Variants in INPP4B observed in about 807,000 individuals in gnomAD.
INPP4B encodes inositol polyphosphate 4-phosphatase type II.
A neutral mutation model predicts 122.5 loss-of-function variants in INPP4B; 55 were observed. That is an observed-to-expected ratio of 0.45 (90% CI 0.36 to 0.56). The LOEUF is 0.56. Ranked by LOEUF, INPP4B falls within the 20% of genes least tolerant of loss-of-function variation. The pLI, the probability that INPP4B is intolerant of heterozygous loss-of-function variation, is 0.00. For synonymous variants in INPP4B, 403 were observed against 388.7 expected, an observed-to-expected ratio of 1.04 and a Z score of -0.43; for missense variants, 1,000 against 1,097.7, an observed-to-expected ratio of 0.91 and a Z score of 1.26.
chr4:142,767,591 C>T (rs1206110788), intron 1 of INPP4B: 1 of 152,100 alleles, frequency 6.6e-6, no homozygotes, highest in Non-Finnish European at 1.5e-5. Context: ...TAGTACTTAT[C>T]TTCATTTGGG....
intron 7 of INPP4B, among the ~76,000 whole-genome samples, chr4:142,384,335 G>A: frequency 6.6e-6 from 1 of 152,138 alleles, no homozygotes; most frequent in East Asian, 1.9e-4. Flanking sequence ...GCGTCATTAG[G>A]AGATTTTGTC....
intron 1 of INPP4B, among the ~76,000 whole-genome samples, chr4:142,804,602 A>T (rs1458794504): frequency 6.6e-6 from 1 of 152,120 alleles, no homozygotes; most frequent in African/African-American, 2.4e-5. Context: ...GCTTTATTCT[A>T]TAGCACTTTC....
rs143404928 is a variant in INPP4B at position 142,777,266 on chromosome 4, G to A, written c.-253-51365C>T. On this transcript the variant is annotated intron_variant, in intron 1 of 25. Transcript: ENST00000262992. ...CAGAATATGGCAAAGGTGATAGGGCGTAACTCTTGTAATTACATTACAGAA... is the reference window on the plus strand; with the variant it reads ...CAGAATATGGCAAAGGTGATAGGGCATAACTCTTGTAATTACATTACAGAA... Among the ~76,000 whole-genome samples, 66 of 152,248 alleles carry A rather than the reference G, an allele frequency of 4.3e-4. 2 individuals are homozygous for A. The East Asian group carries it at 0.012, about 29-fold the overall frequency.
At chr4:142,530,582 C>T (rs942850202) in intron 2 of INPP4B, among the ~76,000 whole-genome samples, 7 of 148,062 alleles carry the variant, frequency 4.7e-5, no homozygotes, top group Admixed American at 1.3e-4. Flanking sequence ...TATATATACA[C>T]ACACACACAG....
At chr4:142,416,291 C>A (rs956375076) in intron 5 of INPP4B, among the ~76,000 whole-genome samples, 1 of 152,058 alleles carries the variant, frequency 6.6e-6, no homozygotes, top group African/African-American at 2.4e-5. Context: ...GACAGGGAGG[C>A]AGCTGTTCAA....
intron 9 of INPP4B, among the ~76,000 whole-genome samples, chr4:142,271,717 C>G (rs1745948710): frequency 1.3e-5 from 2 of 152,092 alleles, no homozygotes; most frequent in African/African-American, 4.8e-5. Flanking sequence ...AAGACCCTTC[C>G]AAGGTAACGA....
chr4:142,753,541 C>T (rs913279832), intron 1 of INPP4B, among the ~76,000 whole-genome samples: 3 of 151,908 alleles, frequency 2.0e-5, no homozygotes, highest in Non-Finnish European at 4.4e-5. Flanking sequence ...TATTGATCCC[C>T]CCTCTCTCCA....
intron 5 of INPP4B, chr4:142,423,954 C>T (rs1807490937): frequency 6.3e-6 from 2 of 317,938 alleles, no homozygotes; most frequent in Admixed American, 8.8e-5. Flanking sequence ...AGATGGCGGG[C>T]CTTTCTATAT....
intron 1 of INPP4B, among the ~76,000 whole-genome samples, chr4:142,753,673 GA>G (rs1770069131): frequency 6.6e-6 from 1 of 151,918 alleles, no homozygotes; most frequent in African/African-American, 2.4e-5. Context: ...TTTTACTGTT[GA>G]AATCTCACCT....
At chr4:142,702,421 T>C (rs74658353) in intron 2 of INPP4B, among the ~76,000 whole-genome samples, 4,389 of 152,246 alleles carry the variant, frequency 0.029, 80 homozygotes, top group Non-Finnish European at 0.041. Flanking sequence ...CACTAGATTA[T>C]GATTTAAAGC....
chr4:142,820,042 T>C (rs1780609036), intron 1 of INPP4B, among the ~76,000 whole-genome samples: 1 of 152,106 alleles, frequency 6.6e-6, no homozygotes, highest in South Asian at 2.1e-4. Context: ...CCTGAATCCT[T>C]GTCTCAGGCT....
intron 3 of INPP4B, among the ~76,000 whole-genome samples, chr4:142,446,318 T>C (rs1367895092): frequency 6.6e-6 from 1 of 151,890 alleles, no homozygotes; most frequent in Non-Finnish European, 1.5e-5. Flanking sequence ...TCAACTTCAC[T>C]AGTATCAGGG....
intron 7 of INPP4B, among the ~76,000 whole-genome samples, chr4:142,337,627 T>C (rs1206758439): frequency 1.4e-5 from 2 of 146,940 alleles, no homozygotes; most frequent in East Asian, 2.0e-4. Flanking sequence ...TCTTTTTTTT[T>C]CCTATAGTTA....
chr4:142,087,441 G>A (rs1382384906), intron 23 of INPP4B, among the ~76,000 whole-genome samples: 4 of 152,132 alleles, frequency 2.6e-5, no homozygotes, highest in Non-Finnish European at 5.9e-5. Context: ...CCCAAGACTT[G>A]GTGAGATGGG....
chr4:142,608,746 C>G (rs1001909544), intron 2 of INPP4B, among the ~76,000 whole-genome samples: 2 of 152,200 alleles, frequency 1.3e-5, no homozygotes, highest in Non-Finnish European at 2.9e-5. Flanking sequence ...TCAACAGAGT[C>G]TGCTGCCTTT....
intron 2 of INPP4B, among the ~76,000 whole-genome samples, chr4:142,529,359 C>A (rs1204388176): frequency 6.6e-6 from 1 of 151,894 alleles, no homozygotes; most frequent in Admixed American, 6.6e-5. Context: ...GAAGCTAGAT[C>A]TTTTACTTAT....
At chr4:142,296,901 A>T (rs1758950617) in intron 9 of INPP4B, among the ~76,000 whole-genome samples, 1 of 152,190 alleles carries the variant, frequency 6.6e-6, no homozygotes, top group South Asian at 2.1e-4. Context: ...GAGTTAACAT[A>T]AAATAATCAG....
chr4:142,293,826 A>G (rs1315547849), intron 9 of INPP4B, among the ~76,000 whole-genome samples: 1 of 152,252 alleles, frequency 6.6e-6, no homozygotes, highest in Non-Finnish European at 1.5e-5. Context: ...GTAACTTCCT[A>G]TCTCCACTTT....
At chr4:142,398,633 T>G (rs79081404) in intron 7 of INPP4B, among the ~76,000 whole-genome samples, 2 of 40,342 alleles carry the variant, frequency 5.0e-5, no homozygotes, top group Non-Finnish European at 1.1e-4. Flanking sequence ...TAAAAATAAA[T>G]TAAATGCAAA....
Sources: allele counts gnomAD v4.1 joint callset (sites outside exome capture counted in the v4.1 genomes callset), GRCh38; gene constraint gnomAD v4.1.1; transcripts MANE v1.5; gene names NCBI Gene and HGNC (gene_info 2026-07-23, HGNC 2026-07-21).